The following CLNK variants were observed in gnomAD, a reference collection of about 807,000 sequenced individuals.
CLNK encodes the protein cytokine dependent hematopoietic cell linker.
A neutral mutation model predicts 68.6 loss-of-function variants in CLNK; 74 were observed. That is an observed-to-expected ratio of 1.08 (90% confidence interval 0.89 to 1.31). The LOEUF (loss-of-function observed/expected upper bound fraction) is 1.31. CLNK is among the 50% of genes most tolerant of loss of function. CLNK has a pLI of 0.00. For synonymous variants in CLNK, 198 were observed against 172.2 expected, an observed-to-expected ratio of 1.15 and a Z score of -1.17; for missense variants, 553 against 515.3, an observed-to-expected ratio of 1.07 and a Z score of -0.71.
chr4:10,545,241 AAAC>A (rs1471615347), intron 8 of CLNK, among the ~76,000 whole-genome samples: 1 of 152,170 alleles, frequency 6.6e-6, no homozygotes, highest in Admixed American at 6.5e-5. Context: ...TGTGAAATCA[AAAC>A]AAATTATCTA....
At chr4:10,526,106 C>G (rs985097202) in intron 13 of CLNK, among the ~76,000 whole-genome samples, 184 bp from the exon 14 acceptor site, 1 of 152,092 alleles carries the variant, frequency 6.6e-6, no homozygotes, top group African/African-American at 2.4e-5. Flanking sequence ...CTCAGAATGA[C>G]TTTTGCTCTG....
intron 2 of CLNK, among the ~76,000 whole-genome samples, chr4:10,617,538 C>A (rs1345254254): frequency 6.6e-6 from 1 of 152,304 alleles, no homozygotes; most frequent in African/African-American, 2.4e-5. Context: ...CTGTACTAGA[C>A]ACTTGGTAGT....
chr4:10,619,982 A>T (rs973396174), intron 2 of CLNK, among the ~76,000 whole-genome samples: 10 of 152,222 alleles, frequency 6.6e-5, no homozygotes, highest in South Asian at 2.1e-4. Context: ...GAAAGAGGGA[A>T]CCTCAATCAC....
At chr4:10,591,143 T>C (rs1721164633) in intron 3 of CLNK, among the ~76,000 whole-genome samples, 1 of 152,122 alleles carries the variant, frequency 6.6e-6, no homozygotes, top group Admixed American at 6.5e-5. Flanking sequence ...GCCTGTGTCA[T>C]CCTAGAGGTC....
chr4:10,711,942 A>T, the CLNK span, among the ~76,000 whole-genome samples: 1 of 152,094 alleles, frequency 6.6e-6, no homozygotes, highest in African/African-American at 2.4e-5. Context: ...ATTCAACAGA[A>T]CCTGAACATG....
intron 17 of CLNK, among the ~76,000 whole-genome samples, chr4:10,503,979 C>T (rs1204068875): frequency 1.3e-5 from 2 of 151,220 alleles, no homozygotes; most frequent in African/African-American, 4.9e-5. Flanking sequence ...GACGGGGTTT[C>T]ACCATGTTGG....
chr4:10,625,227 T>G (rs1430312472), intron 2 of CLNK, among the ~76,000 whole-genome samples: 1 of 152,194 alleles, frequency 6.6e-6, no homozygotes, highest in Non-Finnish European at 1.5e-5. Flanking sequence ...ATTTGAGCCT[T>G]GCTGTGACAG....
intron 2 of CLNK, among the ~76,000 whole-genome samples, chr4:10,622,455 A>G (rs1364202654): frequency 6.6e-6 from 1 of 152,200 alleles, no homozygotes; most frequent in African/African-American, 2.4e-5. Flanking sequence ...GGCTACAACA[A>G]CTCATGGCTA....
chr4:10,503,377 G>A (rs1232707552), intron 17 of CLNK, among the ~76,000 whole-genome samples: 5 of 151,494 alleles, frequency 3.3e-5, no homozygotes, highest in Non-Finnish European at 4.4e-5. Context: ...CAGGAGAATC[G>A]CTTGGACCCA....
chr4:10,499,125 C>T (rs1716929670), intron 18 of CLNK, among the ~76,000 whole-genome samples: 1 of 152,164 alleles, frequency 6.6e-6, no homozygotes, highest in Non-Finnish European at 1.5e-5. Context: ...ACAGACACCC[C>T]TTCCCCTTCC....
intron 2 of CLNK, among the ~76,000 whole-genome samples, chr4:10,637,861 C>A (rs969174118): frequency 3.9e-5 from 6 of 152,112 alleles, no homozygotes; most frequent in African/African-American, 1.4e-4. Flanking sequence ...CTCAGCCTCC[C>A]AAAGTGCTGG....
intron 7 of CLNK, among the ~76,000 whole-genome samples, chr4:10,559,523 C>T (rs1467595843): frequency 6.6e-6 from 1 of 152,098 alleles, no homozygotes; most frequent in Non-Finnish European, 1.5e-5. Context: ...TTAATCTTCC[C>T]TGTGTGCCTG....
chr4:10,623,178 CTCAGTT>C (rs1722529528), intron 2 of CLNK, among the ~76,000 whole-genome samples: 1 of 152,162 alleles, frequency 6.6e-6, no homozygotes, highest in Non-Finnish European at 1.5e-5. Flanking sequence ...TCTCCCATTA[CTCAGTT>C]GAGTCATTGA....
intron 16 of CLNK, among the ~76,000 whole-genome samples, chr4:10,512,275 G>A (rs1717621631): frequency 6.6e-6 from 1 of 150,864 alleles, no homozygotes; most frequent in South Asian, 2.1e-4. Context: ...CTGTTGCCCA[G>A]GCTGGAGTGC....
the CLNK span, among the ~76,000 whole-genome samples, chr4:10,698,630 C>T: frequency 6.6e-6 from 1 of 152,116 alleles, no homozygotes; most frequent in East Asian, 1.9e-4. Context: ...GATATTTTCA[C>T]CCCCCAACCA....
chr4:10,671,543 C>A (rs1475140775), intron 1 of CLNK, among the ~76,000 whole-genome samples: 1 of 152,210 alleles, frequency 6.6e-6, no homozygotes, highest in Non-Finnish European at 1.5e-5. Context: ...AAGCACCATA[C>A]TCTGATCTAA....
At chr4:10,547,082 A>G (rs1247994830) in intron 8 of CLNK, among the ~76,000 whole-genome samples, 1 of 152,142 alleles carries the variant, frequency 6.6e-6, no homozygotes, top group African/African-American at 2.4e-5. Context: ...CTCATGATCC[A>G]ATTACCCCTT....
At chr4:10,571,010 A>G (rs1367147652) in intron 5 of CLNK, among the ~76,000 whole-genome samples, 1 of 152,122 alleles carries the variant, frequency 6.6e-6, no homozygotes, top group Non-Finnish European at 1.5e-5. Flanking sequence ...CCAAGAATGG[A>G]ATTATTGGGC....
rs1362168984 is a variant in CLNK at position 10,560,903 on chromosome 4, C to CT, written c.400-2452dup. Among the ~76,000 whole-genome samples the CT allele has an allele frequency of 1.5e-4, 22 of 151,240 alleles. No homozygotes were observed. In the South Asian group the frequency reaches 3.6e-3, roughly 25 times the overall value. On this transcript the variant is annotated intron_variant, in intron 7 of 18. Coordinates refer to ENST00000226951, the MANE Select transcript of CLNK (RefSeq NM_052964.4). Reference sequence around the variant, plus strand: ...CAAATGTGAAACTCCTCCCCCACCTCTTTTTTTTTCTGAGACAAGGTCTTG... The same window carrying CT: ...CAAATGTGAAACTCCTCCCCCACCTCTTTTTTTTTTCTGAGACAAGGTCTTG...
Sources: gnomAD v4.1 joint callset for allele counts (sites outside exome capture counted in the v4.1 genomes callset) on GRCh38, gnomAD v4.1.1 for gene constraint, MANE v1.5 for transcripts, NCBI Gene and HGNC (gene_info 2026-07-23, HGNC 2026-07-21) for gene names.